The following TP63 variants were observed in gnomAD, a reference collection of about 807,000 sequenced individuals.
The protein encoded by TP63 is tumor protein 63.
A neutral mutation model predicts 82.8 loss-of-function variants in TP63; 17 were observed. The observed-to-expected ratio is 0.21, with a 90% CI of 0.14 to 0.31. The LOEUF (loss-of-function observed/expected upper bound fraction) is 0.31, where lower values mean the gene tolerates loss of function less well. TP63 is among the 10% of genes least tolerant of loss of function. The probability of loss-of-function intolerance (pLI) is 1.00; values close to 1 mark genes in which losing one functional copy is unlikely to be tolerated. For missense variants in TP63, 648 were observed against 895.3 expected (o/e 0.72, Z 3.52); for synonymous variants, 330 against 321.7 (o/e 1.03, Z -0.28).
At chr3:189,826,166 C>G (rs1233954024) in intron 4 of TP63, among the ~76,000 whole-genome samples, 2 of 152,130 alleles carry the variant, frequency 1.3e-5, no homozygotes, top group African/African-American at 4.8e-5. Context: ...GTTCATAAAA[C>G]CAAATCTTTA....
intron 1 of TP63, among the ~76,000 whole-genome samples, chr3:189,689,133 T>C (rs1405021621): frequency 2.5e-5 from 3 of 119,110 alleles, no homozygotes; most frequent in Non-Finnish European, 5.0e-5. Flanking sequence ...TTTTTTTTTT[T>C]TGAGACGGAG....
intron 9 of TP63, among the ~76,000 whole-genome samples, chr3:189,869,884 G>A (rs1322583881): frequency 2.0e-5 from 3 of 152,026 alleles, no homozygotes; most frequent in African/African-American, 7.2e-5. Context: ...GGGGAAGAGG[G>A]GAGACGGTTG....
intron 1 of TP63, among the ~76,000 whole-genome samples, chr3:189,700,561 G>A (rs1226728733): frequency 6.6e-6 from 1 of 152,218 alleles, no homozygotes; most frequent in African/African-American, 2.4e-5. Flanking sequence ...AGGTAGGTAG[G>A]TAGATGGGTA....
At chr3:189,843,797 T>C (rs770941297) in intron 4 of TP63, among the ~76,000 whole-genome samples, 8 of 152,190 alleles carry the variant, frequency 5.3e-5, no homozygotes, top group Non-Finnish European at 1.0e-4. Context: ...CCCAAGATGA[T>C]GCAGTAAGTC....
intron 3 of TP63, among the ~76,000 whole-genome samples, chr3:189,753,525 A>T (rs1215193274): frequency 1.3e-5 from 2 of 151,982 alleles, no homozygotes; most frequent in East Asian, 3.9e-4. Context: ...TTTACTTTTA[A>T]CCTACTTTTA....
At chr3:189,886,990 C>T (rs1720513377) in intron 11 of TP63, among the ~76,000 whole-genome samples, 2 of 152,096 alleles carry the variant, frequency 1.3e-5, no homozygotes, top group African/African-American at 4.8e-5. Flanking sequence ...GGGAGGATCA[C>T]TTGAGGTCAG....
chr3:189,626,974 G>C (rs1259489644), upstream of TP63, among the ~76,000 whole-genome samples: 1 of 151,998 alleles, frequency 6.6e-6, no homozygotes, highest in African/African-American at 2.4e-5. Context: ...GGCAGAATCA[G>C]TTTCTGTTGT....
intron 1 of TP63, among the ~76,000 whole-genome samples, chr3:189,687,683 G>A (rs913747824): frequency 1.3e-5 from 2 of 152,190 alleles, no homozygotes; most frequent in African/African-American, 2.4e-5. Context: ...TCAAATGGGC[G>A]ACTGGACAAT....
intron 4 of TP63, among the ~76,000 whole-genome samples, chr3:189,852,083 A>G (rs1202836442): frequency 6.6e-6 from 1 of 152,226 alleles, no homozygotes; most frequent in Non-Finnish European, 1.5e-5. Context: ...TTAAGACTAC[A>G]TGAAGGCAGA....
chr3:189,656,855 G>A (rs1275571774), intron 1 of TP63, among the ~76,000 whole-genome samples: 1 of 152,002 alleles, frequency 6.6e-6, no homozygotes, highest in Non-Finnish European at 1.5e-5. Flanking sequence ...AGAAAGAAGT[G>A]AAGGGGAAAA....
chr3:189,705,580 CG>C (rs1718135733), intron 1 of TP63, among the ~76,000 whole-genome samples: 1 of 152,066 alleles, frequency 6.6e-6, no homozygotes, highest in African/African-American at 2.4e-5. Context: ...CTCACCTAGA[CG>C]GTGCACACCT....
intron 4 of TP63, among the ~76,000 whole-genome samples, chr3:189,840,244 G>A (rs1013897852): frequency 6.6e-6 from 1 of 151,230 alleles, no homozygotes; most frequent in African/African-American, 2.4e-5. Context: ...TTTTTTTCAT[G>A]CAGTAATCCT....
At chr3:189,799,968 C>A (rs1165890144) in intron 3 of TP63, among the ~76,000 whole-genome samples, 1 of 152,024 alleles carries the variant, frequency 6.6e-6, no homozygotes, top group Non-Finnish European at 1.5e-5. Flanking sequence ...ACTAAACAGG[C>A]CAGATATATT....
At chr3:189,883,446 A>G (rs764780547) in intron 10 of TP63, among the ~76,000 whole-genome samples, 2 of 152,160 alleles carry the variant, frequency 1.3e-5, no homozygotes, top group African/African-American at 2.4e-5. Flanking sequence ...GGTATGTTCA[A>G]TTAAGAATCC....
intron 3 of TP63, among the ~76,000 whole-genome samples, chr3:189,767,506 G>GA (rs1311707406): frequency 2.6e-5 from 4 of 152,150 alleles, no homozygotes. Flanking sequence ...GAATGGCCAA[G>GA]AATGGAATAG....
chr3:189,881,093 G>T (rs1441458302), intron 10 of TP63: 1 of 985,110 alleles, frequency 1.0e-6, no homozygotes, highest in African/African-American at 1.7e-5. Context: ...TGATTAATTT[G>T]CTTAATTAGA....
At chr3:189,661,746 G>A (rs1335430160) in intron 1 of TP63, among the ~76,000 whole-genome samples, 1 of 151,884 alleles carries the variant, frequency 6.6e-6, no homozygotes, top group Non-Finnish European at 1.5e-5. Context: ...TTCCATTTCA[G>A]AACTCAATAT....
rs892649364 is a variant in TP63, at chr3:189,653,088, A to G, written c.62+21511A>G. On this transcript the variant is annotated intron_variant, in intron 1 of 13. Transcript: ENST00000264731. ...AGAAAATTAGGTCCAGAATGTTGCC[A>G]GATAAGTATGGCATCGCAGAAAATA... is the stretch of plus-strand genomic sequence containing the variant. 7.2e-5 allele frequency among the ~76,000 whole-genome samples: 11 copies of G among 151,896 alleles called. 3 individuals carry two copies. Among genetic ancestry groups the G allele is most frequent in the African/African-American group, 2.7e-4 (11 of 41,318 alleles).
At chr3:189,702,184 G>A (rs1220058806) in intron 1 of TP63, among the ~76,000 whole-genome samples, 3 of 152,112 alleles carry the variant, frequency 2.0e-5, no homozygotes, top group Non-Finnish European at 4.4e-5. Flanking sequence ...TCTCTAGTGG[G>A]CCTCTTGTTG....
Sources: gnomAD v4.1 joint callset for allele counts (sites outside exome capture counted in the v4.1 genomes callset) on GRCh38, gnomAD v4.1.1 for gene constraint, MANE v1.5 for transcripts, NCBI Gene and HGNC (gene_info 2026-07-23, HGNC 2026-07-21) for gene names.